ZNF407: variants seen among roughly 807,000 people sequenced by gnomAD.
ZNF407 encodes the protein zinc finger protein 407.
ZNF407 carries 17 observed loss-of-function variants against 131.2 expected under a neutral mutation model. That is an observed-to-expected ratio of 0.13 (90% CI 0.09 to 0.19). ZNF407 has a LOEUF of 0.19. ZNF407 is among the 10% of genes least tolerant of loss of function. ZNF407 has a pLI of 1.00. For missense variants in ZNF407, 2,681 were observed against 2,830.6 expected, an observed-to-expected ratio of 0.95 and a Z score of 1.20; for synonymous variants, 1,156 against 1,062.0, an observed-to-expected ratio of 1.09 and a Z score of -1.72.
At chr18:74,717,807 C>T (rs573745584) in intron 3 of ZNF407, among the ~76,000 whole-genome samples, 148 of 152,260 alleles carry the variant, frequency 9.7e-4, no homozygotes, top group African/African-American at 3.3e-3. Context: ...GGTTCAGCAT[C>T]GCTAATCCAA....
At chr18:74,755,764 T>G (rs1437579557) in intron 3 of ZNF407, among the ~76,000 whole-genome samples, 2 of 129,068 alleles carry the variant, frequency 1.5e-5, no homozygotes, top group African/African-American at 7.1e-5. Flanking sequence ...TTTCTTTCTT[T>G]CTTTCTTTCT....
intron 1 of ZNF407, among the ~76,000 whole-genome samples, chr18:74,611,254 G>T (rs780567004): frequency 1.3e-5 from 2 of 152,214 alleles, no homozygotes; most frequent in Non-Finnish European, 2.9e-5. Flanking sequence ...CACAGAGGGT[G>T]CAGACCATAA....
chr18:74,811,393 T>C (rs1382916892), intron 4 of ZNF407, among the ~76,000 whole-genome samples: 4 of 152,240 alleles, frequency 2.6e-5, no homozygotes, highest in African/African-American at 7.2e-5. Flanking sequence ...GGAGAGGATG[T>C]GGAGAAATAG....
chr18:74,907,262 G>A (rs1055073695), intron 7 of ZNF407, among the ~76,000 whole-genome samples: 1 of 152,188 alleles, frequency 6.6e-6, no homozygotes, highest in Admixed American at 6.5e-5. Flanking sequence ...CAGAGGGAGT[G>A]CAGCAGCTGT....
rs1433861179 is a variant in ZNF407, at chr18:74,781,473, C to G, written c.4848C>G (p.Gly1616=). 3 of 1,542,314 alleles carry G rather than the reference C, an allele frequency of 1.9e-6. No homozygotes were observed. The highest frequency in any genetic ancestry group is 2.6e-6 in the Non-Finnish European group (3 of 1,144,498). The change falls in exon 4 of 9, where the codon GGC becomes GGG. Residue 1616 remains glycine, a synonymous_variant. Coordinates refer to ENST00000299687, the MANE Select transcript of ZNF407 (RefSeq NM_017757.3). ...MKKHLNTHLL[G]KHGVGTPKER... ...AGCACTTAAATACTCATCTACTAGG[C>G]AAGCATGGAGTTGGCACCCCAAAAG...
At chr18:74,961,111 G>A (rs139205065) in intron 8 of ZNF407, among the ~76,000 whole-genome samples, 181 of 152,234 alleles carry the variant, frequency 1.2e-3, no homozygotes, top group African/African-American at 4.2e-3. Flanking sequence ...GATAGGAGAA[G>A]GTGCTGCTTT....
At chr18:74,712,439 T>C (rs572093821) in intron 3 of ZNF407, among the ~76,000 whole-genome samples, 3 of 152,358 alleles carry the variant, frequency 2.0e-5, no homozygotes, top group African/African-American at 7.2e-5. Context: ...TGTGGTTTAG[T>C]GTGTGGAAGG....
intron 8 of ZNF407, among the ~76,000 whole-genome samples, chr18:74,984,174 T>C (rs1170777454): frequency 6.6e-6 from 1 of 152,198 alleles, no homozygotes; most frequent in African/African-American, 2.4e-5. Flanking sequence ...AGGGTTCTTC[T>C]CTGTGTACCT....
intron 1 of ZNF407, among the ~76,000 whole-genome samples, chr18:74,622,762 TTGTG>T (rs760278473): frequency 4.6e-5 from 7 of 151,142 alleles, no homozygotes; most frequent in South Asian, 4.2e-4. Flanking sequence ...GAATGAATAT[TTGTG>T]TGTGAGAGTG....
intron 8 of ZNF407, among the ~76,000 whole-genome samples, chr18:74,953,383 T>A (rs1256122318): frequency 6.6e-6 from 1 of 151,624 alleles, no homozygotes; most frequent in Non-Finnish European, 1.5e-5. Flanking sequence ...TTTTGTTATC[T>A]GTTTTTTTCT....
intron 1 of ZNF407, among the ~76,000 whole-genome samples, chr18:74,607,290 A>G (rs1982849634): frequency 6.6e-6 from 1 of 152,154 alleles, no homozygotes; most frequent in African/African-American, 2.4e-5. Context: ...TGCAGCTGCC[A>G]GTCCTGAGAC....
At chr18:74,714,769 G>GT (rs1369456543) in intron 3 of ZNF407, among the ~76,000 whole-genome samples, 1 of 152,128 alleles carries the variant, frequency 6.6e-6, no homozygotes, top group Admixed American at 6.5e-5. Flanking sequence ...TTTTCTCATA[G>GT]TATCAGGTAA....
At chr18:75,032,173 C>T (rs542363439) in intron 8 of ZNF407, among the ~76,000 whole-genome samples, 3 of 152,282 alleles carry the variant, frequency 2.0e-5, no homozygotes, top group Middle Eastern at 6.8e-3. Flanking sequence ...TAAGGCTGTC[C>T]GTCAAACAAG....
At chr18:74,812,263 AT>A (rs1469157761) in intron 4 of ZNF407, among the ~76,000 whole-genome samples, 1 of 152,180 alleles carries the variant, frequency 6.6e-6, no homozygotes, top group African/African-American at 2.4e-5. Flanking sequence ...AATAATATTT[AT>A]TTGAGAAGGT....
At chr18:74,606,845 C>T (rs952661533) in intron 1 of ZNF407, among the ~76,000 whole-genome samples, 3 of 152,090 alleles carry the variant, frequency 2.0e-5, no homozygotes, top group Non-Finnish European at 4.4e-5. Flanking sequence ...TAGATATATC[C>T]GGTGTAATTC....
chr18:74,895,303 T>G (rs187118994), intron 7 of ZNF407, among the ~76,000 whole-genome samples: 40 of 151,880 alleles, frequency 2.6e-4, no homozygotes, highest in African/African-American at 7.8e-4. Context: ...AGAAGTGTGC[T>G]TACATTTTGT....
At chr18:75,004,855 A>G (rs759733332) in intron 8 of ZNF407, among the ~76,000 whole-genome samples, 16 of 152,182 alleles carry the variant, frequency 1.1e-4, no homozygotes, top group Non-Finnish European at 2.1e-4. Context: ...CGGGGTGGTA[A>G]ATACGCCTCT....
chr18:74,907,039 C>T (rs1019057701), intron 7 of ZNF407, among the ~76,000 whole-genome samples: 1 of 151,960 alleles, frequency 6.6e-6, no homozygotes, highest in African/African-American at 2.4e-5. Context: ...ACACACATAC[C>T]GTATGTGTAT....
chr18:74,736,341 C>T (rs935647747), intron 3 of ZNF407, among the ~76,000 whole-genome samples: 1 of 152,070 alleles, frequency 6.6e-6, no homozygotes, highest in Non-Finnish European at 1.5e-5. Context: ...GGGCTTTCTA[C>T]ATTAGATCTT....
Sources: gnomAD v4.1 joint callset for allele counts (sites outside exome capture counted in the v4.1 genomes callset) on GRCh38, gnomAD v4.1.1 for gene constraint, MANE v1.5 for transcripts, NCBI Gene and HGNC (gene_info 2026-07-23, HGNC 2026-07-21) for gene names.